Variants in FNTB observed in about 807,000 individuals in gnomAD.
The protein encoded by FNTB is farnesyltransferase, CAAX box, subunit beta, also known as protein farnesyltransferase subunit beta.
In FNTB, 27 loss-of-function variants were observed where a neutral mutation model predicts 59.4. The observed-to-expected ratio is 0.45, with a 90% CI of 0.34 to 0.63. The LOEUF (loss-of-function observed/expected upper bound fraction) is 0.63, where lower values mean the gene tolerates loss of function less well. Ranked by LOEUF, FNTB falls within the 20% of genes least tolerant of loss-of-function variation. FNTB has a pLI of 0.02. For missense variants in FNTB, 449 were observed against 559.6 expected, an observed-to-expected ratio of 0.80 and a Z score of 1.99; for synonymous variants, 230 against 220.7, an observed-to-expected ratio of 1.04 and a Z score of -0.37.
At position 65,044,940 on chromosome 14, in the gene FNTB, C is replaced by T. The variant is rs141223960; in HGVS notation, c.955+497C>T. On this transcript the variant is annotated intron_variant, in intron 9 of 11. Transcript: ENST00000246166. This position sits in a 1 kb window ranked among gnomAD's most constrained non-coding sequence, Gnocchi z 5.5. The stretch of plus-strand genomic sequence containing the variant: ...GCCCCTACACCATGGAGAAGAGACT[C>T]GCCGTGTCTGACTGGCTGCAGAGTT... 1.7e-3 allele frequency among the ~76,000 whole-genome samples: 255 copies of T among 152,222 alleles called. 1 individual carries two copies. The highest frequency in any genetic ancestry group is 6.0e-3 in the African/African-American group (251 of 41,538).
Position 65,037,402 on chromosome 14 carries a change from CCTTTTTTTTTTTT to C in FNTB, c.693-3387_693-3375del, listed in dbSNP as rs1465323348. On this transcript the variant is annotated intron_variant, in intron 7 of 11. Coordinates refer to ENST00000246166, the MANE Select transcript of FNTB (RefSeq NM_002028.4). ...ATAGGCGTGAGCCACCACGCCGGGC[CCTTTTTTTTTTTT>C]TTTTTTTTTTTTTTTTTTTTTTTTT... Among the ~76,000 whole-genome samples the C allele has an allele frequency of 7.1e-3, 103 of 14,530 alleles. 14 individuals are homozygous for C. The highest frequency in any genetic ancestry group is 7.8e-3 in the African/African-American group (27 of 3,440). 9.5% of individuals were successfully genotyped at this position (14,530 alleles called of 152,430 possible).
chr14:65,057,018 C>G (rs1222135795), intron 11 of FNTB, among the ~76,000 whole-genome samples: 2 of 152,170 alleles, frequency 1.3e-5, no homozygotes, highest in African/African-American at 4.8e-5. Context: ...AACAGCCTAC[C>G]CTTGCAGGAA....
rs927253900 is a variant in FNTB at position 64,991,031 on chromosome 14, T to C, written c.144+3934T>C. On this transcript the variant is annotated intron_variant, in intron 1 of 11. Coordinates refer to ENST00000246166, the MANE Select transcript of FNTB (RefSeq NM_002028.4). This position sits in a 1 kb window ranked among gnomAD's most constrained non-coding sequence, Gnocchi z 4.4. ...ATTGTGCCATCTGGAATCATCCCAT[T>C]GCAGACACTCTGATTCAGGCCAGTA... Among the ~76,000 whole-genome samples, 6 of 152,170 alleles carry C rather than the reference T, an allele frequency of 3.9e-5. No individual in the cohort carries two copies. The East Asian group carries it at 1.2e-3, about 29-fold the overall frequency.
At chr14:65,024,102 C>CT (rs1366675944) in intron 4 of FNTB, among the ~76,000 whole-genome samples, 1 of 142,806 alleles carries the variant, frequency 7.0e-6, no homozygotes, top group African/African-American at 2.5e-5. Context: ...ACTCCATCTC[C>CT]TAAAAAAAAA....
In FNTB at chr14:65,032,795, T is replaced by G; in HGVS notation, c.692+99T>G. 2 of 1,169,104 alleles carry G rather than the reference T, an allele frequency of 1.7e-6. No homozygotes were observed. Among genetic ancestry groups the G allele is most frequent in the African/African-American group, 1.6e-5 (1 of 63,540 alleles). The allele number at this position is 1,169,104 out of a possible 1,614,324, so 72.4% of individuals were successfully genotyped here. ...AAATGCAGAGGGACTTGGAAGGAAA[T>G]ACAAAAATCACAGGAGATCCATTAG... is the stretch of plus-strand genomic sequence containing the variant. On this transcript the variant is annotated intron_variant, in intron 7 of 11. Transcript: ENST00000246166. The surrounding 1 kb of genome is among the most constrained non-coding windows in gnomAD (Gnocchi z 5.0).
At chr14:65,049,907 T>C (rs1397934576) in intron 9 of FNTB, among the ~76,000 whole-genome samples, 1 of 152,040 alleles carries the variant, frequency 6.6e-6, no homozygotes, top group Non-Finnish European at 1.5e-5. Context: ...CCCATACACA[T>C]TAAATATTTT....
intron 4 of FNTB, among the ~76,000 whole-genome samples, chr14:65,017,697 G>A (rs1456035457): frequency 1.3e-5 from 2 of 152,068 alleles, no homozygotes; most frequent in Non-Finnish European, 2.9e-5. Flanking sequence ...GCTCACGCCT[G>A]TAATCCCAAG....
At chr14:64,995,811 A>G (rs1243307900) in intron 1 of FNTB, among the ~76,000 whole-genome samples, 1 of 151,658 alleles carries the variant, frequency 6.6e-6, no homozygotes, top group Non-Finnish European at 1.5e-5. Context: ...TGACCAGCAA[A>G]CTTGAAAACA....
At chr14:64,999,377 G>T (rs554262710) in intron 1 of FNTB, among the ~76,000 whole-genome samples, 11 of 152,348 alleles carry the variant, frequency 7.2e-5, no homozygotes, top group African/African-American at 2.2e-4. Flanking sequence ...GGCAGAGGTT[G>T]CAATGAGCCA....
chr14:65,040,187 A>G (rs143244921), intron 7 of FNTB, among the ~76,000 whole-genome samples: 1 of 152,120 alleles, frequency 6.6e-6, no homozygotes, highest in African/African-American at 2.4e-5. Context: ...TGTTTCAAAA[A>G]TAAAAGATCA....
chr14:65,048,866 C>G (rs906929184), intron 9 of FNTB, among the ~76,000 whole-genome samples: 26 of 152,060 alleles, frequency 1.7e-4, no homozygotes, highest in African/African-American at 5.8e-4. Context: ...AACACAAAAG[C>G]CTGTAATCCC....
chr14:65,008,901 A>G (rs1395196005), intron 2 of FNTB, among the ~76,000 whole-genome samples: 1 of 152,170 alleles, frequency 6.6e-6, no homozygotes, highest in Non-Finnish European at 1.5e-5. Flanking sequence ...CATAGCCTTA[A>G]TAGATTTACC....
intron 1 of FNTB, 148 bp downstream of exon 1, chr14:64,987,245 G>C: frequency 1.0e-6 from 1 of 959,960 alleles, no homozygotes; most frequent in African/African-American, 1.6e-5. Flanking sequence ...AGCTCCGGGC[G>C]CCCAGGCTTG....
In FNTB at chr14:65,012,186, T is replaced by G; in HGVS notation, c.210-131T>G. ...TCTTTGGAACCAGAGAAGTTGCTGG[T>G]TATCCAGTCAGTGATTGCAGGGGGA... On this transcript the variant is annotated intron_variant, in intron 2 of 11. Transcript: ENST00000246166. The surrounding 1 kb of genome is among the most constrained non-coding windows in gnomAD (Gnocchi z 5.0). 9.2e-7 allele frequency: 1 copy of G among 1,091,546 alleles called. No homozygotes were observed. 67.6% of individuals were successfully genotyped at this position (1,091,546 alleles called of 1,614,324 possible).
chr14:64,998,619 C>T (rs1888491617), intron 1 of FNTB, among the ~76,000 whole-genome samples: 1 of 152,186 alleles, frequency 6.6e-6, no homozygotes. Context: ...ACCCTCTCTT[C>T]ATAGCTGTCC....
Position 65,032,576 on chromosome 14 carries a change from GAGCTT to G in FNTB, c.606-32_606-28del, listed in dbSNP as rs748807418. ...ACTGAGCCTCATTAGCTCTTCCGTA[GAGCTT>G]AATGTGTTTCCCGTTTCTGTCTTTC... On this transcript the variant is annotated intron_variant, in intron 6 of 11. Coordinates refer to ENST00000246166, the MANE Select transcript of FNTB (RefSeq NM_002028.4). This position sits in a 1 kb window ranked among gnomAD's most constrained non-coding sequence, Gnocchi z 5.0. The G allele has an allele frequency of 5.2e-5, 83 of 1,609,568 alleles. No homozygotes were observed. The highest frequency in any genetic ancestry group is 7.0e-5 in the Non-Finnish European group (82 of 1,178,980).
chr14:64,996,784 T>TG (rs1888411351), intron 1 of FNTB, among the ~76,000 whole-genome samples: 1 of 151,310 alleles, frequency 6.6e-6, no homozygotes, highest in Non-Finnish European at 1.5e-5. Context: ...TTTTTTTTTT[T>TG]TTTGCTTCTG....
At chr14:64,987,276 G>T in intron 1 of FNTB, 179 bp downstream of exon 1, 2 of 690,618 alleles carry the variant, frequency 2.9e-6, no homozygotes, top group Non-Finnish European at 4.8e-6. Context: ...TGGAGCGTTT[G>T]CGCGGCCAGC....
chr14:65,013,318 T>C (rs973489045), intron 3 of FNTB, among the ~76,000 whole-genome samples: 3 of 115,412 alleles, frequency 2.6e-5, no homozygotes, highest in African/African-American at 1.1e-4. Context: ...CAAATCATCT[T>C]TGTTTCCTTT....
Sources: gnomAD v4.1 joint callset for allele counts (sites outside exome capture counted in the v4.1 genomes callset) on GRCh38, gnomAD v4.1.1 for gene constraint, Gnocchi (gnomAD v3.1) non-coding constraint, MANE v1.5 for transcripts, NCBI Gene and HGNC (gene_info 2026-07-23, HGNC 2026-07-21) for gene names.